The following GABBR2 variants were observed in gnomAD, a reference collection of about 807,000 sequenced individuals.
The protein encoded by GABBR2 is G-protein coupled receptor 51.
Under a neutral mutation model 105.6 loss-of-function variants are expected in GABBR2, and 23 were observed. The observed-to-expected ratio is 0.22, with a 90% confidence interval of 0.16 to 0.31. GABBR2 has a LOEUF of 0.31. GABBR2 is among the 10% of genes least tolerant of loss of function. GABBR2 has a pLI of 1.00. For missense variants in GABBR2, 734 were observed against 1,245.5 expected (o/e 0.59, Z 6.18); for synonymous variants, 478 against 499.7 (o/e 0.96, Z 0.58).
intron 2 of GABBR2, among the ~76,000 whole-genome samples, chr9:98,546,455 T>C (rs953072308): frequency 6.6e-6 from 1 of 152,258 alleles, no homozygotes; most frequent in Non-Finnish European, 1.5e-5. Flanking sequence ...ATATATACTT[T>C]TGCCTAGTGC....
chr9:98,467,242 G>A (rs1826577967), intron 6 of GABBR2, among the ~76,000 whole-genome samples: 1 of 152,192 alleles, frequency 6.6e-6, no homozygotes, highest in South Asian at 2.1e-4. Context: ...TTAGAAGAGG[G>A]GAGGAGAGGT....
chr9:98,590,304 C>A (rs1829129002), intron 1 of GABBR2, among the ~76,000 whole-genome samples: 1 of 152,204 alleles, frequency 6.6e-6, no homozygotes, highest in African/African-American at 2.4e-5. Flanking sequence ...GGCTGTCCAT[C>A]CTGAATACTG....
intron 13 of GABBR2, among the ~76,000 whole-genome samples, chr9:98,344,537 A>AT (rs915262710): frequency 9.9e-5 from 15 of 151,946 alleles, no homozygotes; most frequent in Admixed American, 2.0e-4. Flanking sequence ...AGTCTGGGGC[A>AT]TTTGTCTCTG....
chr9:98,327,173 C>T (rs1033619343), intron 13 of GABBR2, among the ~76,000 whole-genome samples: 2 of 152,204 alleles, frequency 1.3e-5, no homozygotes, highest in African/African-American at 4.8e-5. Flanking sequence ...AATTTTAAGA[C>T]AACAATGCAG....
intron 1 of GABBR2, among the ~76,000 whole-genome samples, chr9:98,585,538 GC>G (rs1377099215): frequency 3.6e-4 from 54 of 151,006 alleles, no homozygotes; most frequent in East Asian, 1.9e-4. Flanking sequence ...TATACCTAAT[GC>G]TAAATGATGA....
chr9:98,429,094 T>G (rs919740755), intron 7 of GABBR2, among the ~76,000 whole-genome samples: 3 of 150,570 alleles, frequency 2.0e-5, no homozygotes, highest in Non-Finnish European at 4.4e-5. Context: ...TATTTCATGA[T>G]TAAATTAAAA....
intron 8 of GABBR2, 87 bp from the exon 9 acceptor site, chr9:98,394,342 C>T: frequency 2.3e-6 from 2 of 888,550 alleles, no homozygotes; most frequent in Non-Finnish European, 3.8e-6. Context: ...GCTCCCCTCA[C>T]AGGCCCTGGA....
At chr9:98,705,125 A>T (rs1830877855) in intron 1 of GABBR2, among the ~76,000 whole-genome samples, 1 of 152,198 alleles carries the variant, frequency 6.6e-6, no homozygotes, top group African/African-American at 2.4e-5. Flanking sequence ...GCTTCTACAT[A>T]GTTTCTGATG....
chr9:98,425,226 A>G (rs1408602802), intron 7 of GABBR2, among the ~76,000 whole-genome samples: 2 of 150,712 alleles, frequency 1.3e-5, no homozygotes, highest in Admixed American at 1.3e-4. Context: ...GAATGGGTGA[A>G]TGAATGAATG....
intron 7 of GABBR2, among the ~76,000 whole-genome samples, chr9:98,432,439 T>TA (rs1809198614): frequency 1.3e-5 from 2 of 152,104 alleles, no homozygotes; most frequent in Admixed American, 1.3e-4. Flanking sequence ...ACTTTGGTTC[T>TA]AAAAATCCCA....
At chr9:98,498,894 G>A (rs1827341352) in intron 3 of GABBR2, among the ~76,000 whole-genome samples, 1 of 152,210 alleles carries the variant, frequency 6.6e-6, no homozygotes, top group Admixed American at 6.5e-5. Flanking sequence ...TATTAAACAG[G>A]GAAAACATGC....
chr9:98,364,275 A>G (rs544281485), intron 12 of GABBR2, among the ~76,000 whole-genome samples: 2 of 152,306 alleles, frequency 1.3e-5, no homozygotes, highest in South Asian at 2.1e-4. Flanking sequence ...ACTGGGGCAA[A>G]ATGCCTAAGG....
chr9:98,365,880 T>C (rs1831667936), intron 12 of GABBR2, among the ~76,000 whole-genome samples: 1 of 152,174 alleles, frequency 6.6e-6, no homozygotes, highest in East Asian at 1.9e-4. Flanking sequence ...GGCAAGGCCA[T>C]CTCCCTATTC....
intron 13 of GABBR2, among the ~76,000 whole-genome samples, chr9:98,362,047 G>A (rs144302186): frequency 7.9e-5 from 12 of 152,216 alleles, no homozygotes; most frequent in South Asian, 4.2e-4. Context: ...ACACTCTACC[G>A]AAATCCTACC....
intron 13 of GABBR2, among the ~76,000 whole-genome samples, chr9:98,318,353 GTTAAGAACGCAGA>G (rs1830754962): frequency 6.6e-6 from 1 of 152,224 alleles, no homozygotes. Context: ...AAGCAGTCTG[GTTAAGAACGCAGA>G]TTCTCTTTGT....
At chr9:98,432,409 C>G (rs187773594) in intron 7 of GABBR2, among the ~76,000 whole-genome samples, 1 of 152,106 alleles carries the variant, frequency 6.6e-6, no homozygotes, top group East Asian at 1.9e-4. Context: ...TGTAGAAACA[C>G]GGCTGGCATG....
intron 1 of GABBR2, among the ~76,000 whole-genome samples, chr9:98,660,329 C>A (rs552756982): frequency 6.6e-6 from 1 of 152,312 alleles, no homozygotes; most frequent in South Asian, 2.1e-4. Flanking sequence ...TTACACAACA[C>A]TTCCACCAGT....
Position 98,311,213 on chromosome 9 carries a change from AAG to A in GABBR2, c.1894-10_1894-9del, listed in dbSNP as rs780232385. On this transcript the variant is annotated splice_polypyrimidine_tract_variant and intron_variant, in intron 13 of 18. Coordinates refer to ENST00000259455, the MANE Select transcript of GABBR2 (RefSeq NM_005458.8). ...CCGTCCTGCTGGGTCCGGCTGTGCAAAGAGAAAACAGAGACTCAGGGATGGCA... is the reference window on the plus strand; with the variant it reads ...CCGTCCTGCTGGGTCCGGCTGTGCAAAGAAAACAGAGACTCAGGGATGGCA... 444 of 1,581,356 alleles carry A rather than the reference AAG, an allele frequency of 2.8e-4. No individual in the cohort carries two copies. Among genetic ancestry groups the A allele is most frequent in the Admixed American group, 7.2e-4 (43 of 59,912 alleles).
intron 13 of GABBR2, among the ~76,000 whole-genome samples, chr9:98,318,890 T>TG (rs1830768095): frequency 1.5e-5 from 2 of 131,708 alleles, no homozygotes; most frequent in Non-Finnish European, 3.3e-5. Context: ...TAAATGTGAG[T>TG]TTGTGTGTGT....
Sources: gnomAD v4.1 joint callset for allele counts (sites outside exome capture counted in the v4.1 genomes callset) on GRCh38, gnomAD v4.1.1 for gene constraint, MANE v1.5 for transcripts, NCBI Gene and HGNC (gene_info 2026-07-23, HGNC 2026-07-21) for gene names.